Variants in GULP1 observed in about 807,000 individuals in gnomAD.
GULP1 encodes GULP PTB domain containing engulfment adaptor 1.
Under a neutral mutation model 40.9 loss-of-function variants are expected in GULP1, and 19 were observed. The observed-to-expected ratio is 0.46, with a 90% CI of 0.32 to 0.68. The LOEUF (loss-of-function observed/expected upper bound fraction) is 0.68. GULP1 is among the 30% of genes least tolerant of loss of function. The probability of loss-of-function intolerance (pLI) is 0.03; values close to 1 mark genes in which losing one functional copy is unlikely to be tolerated. For missense variants in GULP1, 312 were observed against 362.2 expected, an observed-to-expected ratio of 0.86 and a Z score of 1.12; for synonymous variants, 119 against 117.6, an observed-to-expected ratio of 1.01 and a Z score of -0.08.
intron 7 of GULP1, among the ~76,000 whole-genome samples, chr2:188,551,730 GT>G (rs199610217): frequency 2.0e-5 from 3 of 150,766 alleles, no homozygotes; most frequent in South Asian, 4.2e-4. Flanking sequence ...ATATTTGCAG[GT>G]TTTTTTTTGA....
chr2:188,524,600 A>G (rs1022467435), intron 5 of GULP1, among the ~76,000 whole-genome samples: 6 of 140,012 alleles, frequency 4.3e-5, no homozygotes, highest in Non-Finnish European at 8.0e-5. Flanking sequence ...TTTTATATAT[A>G]TATATTTTTT....
intron 2 of GULP1, among the ~76,000 whole-genome samples, chr2:188,442,699 A>G (rs2058044456): frequency 6.6e-6 from 1 of 152,250 alleles, no homozygotes. Context: ...AAATTGGGTT[A>G]TAAAATTCAT....
intron 2 of GULP1, among the ~76,000 whole-genome samples, chr2:188,454,033 G>GC (rs2059049817): frequency 6.6e-6 from 1 of 152,166 alleles, no homozygotes; most frequent in South Asian, 2.1e-4. Flanking sequence ...GGCTGGCAAG[G>GC]CCCCCCTGCT....
intron 5 of GULP1, among the ~76,000 whole-genome samples, chr2:188,524,698 G>T (rs775231710): frequency 1.3e-5 from 2 of 150,180 alleles, no homozygotes; most frequent in Non-Finnish European, 3.0e-5. Context: ...GGCGCTACTG[G>T]CTCGCAATGG....
chr2:188,450,645 A>T (rs1331510740), intron 2 of GULP1, among the ~76,000 whole-genome samples: 2 of 151,956 alleles, frequency 1.3e-5, no homozygotes, highest in East Asian at 3.9e-4. Context: ...ACTTTCTTTG[A>T]CTCTCTTTCA....
chr2:188,433,319 T>G (rs943351635), intron 2 of GULP1, among the ~76,000 whole-genome samples: 1 of 152,148 alleles, frequency 6.6e-6, no homozygotes, highest in African/African-American at 2.4e-5. Context: ...TGAACTGTAG[T>G]CTAGATTTCA....
chr2:188,327,227 T>C (rs1261240582), intron 1 of GULP1, among the ~76,000 whole-genome samples: 1 of 152,178 alleles, frequency 6.6e-6, no homozygotes, highest in Non-Finnish European at 1.5e-5. Context: ...AATTGATGAA[T>C]GCCCTAGGGA....
At chr2:188,543,518 CTATATT>C (rs1691093275) in intron 7 of GULP1, among the ~76,000 whole-genome samples, 1 of 152,192 alleles carries the variant, frequency 6.6e-6, no homozygotes, top group Admixed American at 6.5e-5. Context: ...ATAATGATGA[CTATATT>C]TATAACACTG....
chr2:188,586,118 A>G (rs1470912010), intron 10 of GULP1, among the ~76,000 whole-genome samples: 3 of 152,190 alleles, frequency 2.0e-5, no homozygotes, highest in Admixed American at 2.0e-4. Flanking sequence ...GGGCAGGGGT[A>G]AAACACTGCT....
chr2:188,549,045 G>A (rs1692735642), intron 7 of GULP1, among the ~76,000 whole-genome samples: 1 of 151,798 alleles, frequency 6.6e-6, no homozygotes, highest in Non-Finnish European at 1.5e-5. Flanking sequence ...TGTAGGGCTA[G>A]GAAAAGAGTT....
chr2:188,496,809 T>C (rs770664085), intron 4 of GULP1, among the ~76,000 whole-genome samples: 3 of 151,936 alleles, frequency 2.0e-5, no homozygotes, highest in South Asian at 2.1e-4. Context: ...TTTCTCATGG[T>C]TTAACACCAT....
At chr2:188,484,133 C>G (rs1285835587) in intron 4 of GULP1, among the ~76,000 whole-genome samples, 3 of 152,028 alleles carry the variant, frequency 2.0e-5, no homozygotes, top group Non-Finnish European at 4.4e-5. Context: ...GTCTCGAACT[C>G]CTGACCTCAA....
chr2:188,576,723 G>A (rs542956645), intron 9 of GULP1, among the ~76,000 whole-genome samples: 2 of 152,102 alleles, frequency 1.3e-5, no homozygotes, highest in South Asian at 2.1e-4. Context: ...TCTTTTCAAT[G>A]GTTTTAGAAA....
intron 7 of GULP1, among the ~76,000 whole-genome samples, chr2:188,562,558 A>G (rs1286772107): frequency 1.3e-5 from 2 of 152,216 alleles, no homozygotes; most frequent in African/African-American, 4.8e-5. Context: ...TAACAGTTTT[A>G]TTTGGCAAAA....
At chr2:188,392,083 T>C (rs2050603127) in intron 2 of GULP1, among the ~76,000 whole-genome samples, 1 of 152,078 alleles carries the variant, frequency 6.6e-6, no homozygotes, top group South Asian at 2.1e-4. Flanking sequence ...TGTTTTATTA[T>C]GTCCTTTCCT....
intron 4 of GULP1, among the ~76,000 whole-genome samples, chr2:188,493,640 A>T (rs72913331): frequency 0.021 from 3,197 of 152,120 alleles, 105 homozygotes; most frequent in African/African-American, 0.073. Flanking sequence ...CAAATCCCCA[A>T]TCAGGCTTAT....
At chr2:188,396,586 C>T (rs772367521) in intron 2 of GULP1, among the ~76,000 whole-genome samples, 2 of 152,204 alleles carry the variant, frequency 1.3e-5, no homozygotes, top group Admixed American at 6.5e-5. Flanking sequence ...AGGCCATAAG[C>T]CTGCCTGGTG....
intron 2 of GULP1, among the ~76,000 whole-genome samples, chr2:188,468,911 GT>G (rs1467130998): frequency 6.6e-6 from 1 of 152,138 alleles, no homozygotes; most frequent in African/African-American, 2.4e-5. Flanking sequence ...GAAGTGTTTT[GT>G]TTTGTTTTAG....
chr2:188,516,703 T>C (rs2065209328), intron 4 of GULP1, among the ~76,000 whole-genome samples: 1 of 152,186 alleles, frequency 6.6e-6, no homozygotes, highest in African/African-American at 2.4e-5. Context: ...CAGTTTCTGA[T>C]TGAGTAGAAT....
Sources: gnomAD v4.1 joint callset for allele counts (sites outside exome capture counted in the v4.1 genomes callset) on GRCh38, gnomAD v4.1.1 for gene constraint, MANE v1.5 for transcripts, NCBI Gene and HGNC (gene_info 2026-07-23, HGNC 2026-07-21) for gene names.